The following HACL1 variants were observed in gnomAD, a reference collection of about 807,000 sequenced individuals.
HACL1 encodes the protein 2-hydroxyacyl-CoA lyase 1, also known as 1600020H07Rik.
A neutral mutation model predicts 74.2 loss-of-function variants in HACL1; 64 were observed. The observed-to-expected ratio is 0.86, with a 90% CI of 0.70 to 1.06. HACL1 has a LOEUF of 1.06. Among genes scored for constraint, HACL1 ranks in the 50% least tolerant of loss-of-function variants. The pLI is 0.00. For missense variants in HACL1, 728 were observed against 719.7 expected, an observed-to-expected ratio of 1.01 and a Z score of -0.13; for synonymous variants, 230 against 238.8, an observed-to-expected ratio of 0.96 and a Z score of 0.34.
At chr3:15,571,541 C>A in intron 12 of HACL1, 127 bp downstream of exon 12, 1 of 697,122 alleles carries the variant, frequency 1.4e-6, no homozygotes, top group East Asian at 2.6e-5. Flanking sequence ...TTCCATGAGA[C>A]CTGGGGTTTT....
Position 15,582,871 on chromosome 3 carries a change from T to C in HACL1, c.667+6A>G. The C allele has an allele frequency of 6.9e-7, 1 of 1,451,504 alleles. No homozygotes were observed. The highest frequency in any genetic ancestry group is 9.7e-7 in the Non-Finnish European group (1 of 1,033,366). 89.9% of individuals were successfully genotyped at this position (1,451,504 alleles called of 1,614,324 possible). A position where few individuals can be genotyped will look rare whatever the true frequency, so the allele number is the denominator to read the frequency against. On this transcript the variant is annotated splice_donor_region_variant and intron_variant, in intron 8 of 16. Transcript: ENST00000321169. ...CTAGCAAGATTTAGAGTTCTATTCA[T>C]GCTACCTTTCCCGATGATAAGAAGG...
At chr3:15,591,992 A>G (rs1376739502) in intron 3 of HACL1, among the ~76,000 whole-genome samples, 6 of 149,022 alleles carry the variant, frequency 4.0e-5, no homozygotes, top group Non-Finnish European at 4.5e-5. Flanking sequence ...CTATATACCT[A>G]TAGTATATAC....
rs963243581 is a variant in HACL1, at chr3:15,577,708, G to C, written c.803+2202C>G. On this transcript the variant is annotated intron_variant, in intron 9 of 16. Coordinates refer to ENST00000321169, the MANE Select transcript of HACL1 (RefSeq NM_012260.4). ...TAATACTTGGGAGGCTGAGGTGGGA[G>C]GATTGCTTTAGCCCAGCAGGCAGAG... 2.6e-5 allele frequency among the ~76,000 whole-genome samples: 4 copies of C among 151,966 alleles called. No individual in the cohort carries two copies. In the East Asian group the frequency reaches 5.8e-4, roughly 22 times the overall value.
At chr3:15,590,630 CA>C (rs2125275506) in intron 4 of HACL1, among the ~76,000 whole-genome samples, 1 of 152,254 alleles carries the variant, frequency 6.6e-6, no homozygotes, top group East Asian at 1.9e-4. Context: ...ATAAGAATTT[CA>C]AATATCTTCC....
chr3:15,590,776 A>G (rs2063877134), intron 4 of HACL1, among the ~76,000 whole-genome samples: 1 of 152,196 alleles, frequency 6.6e-6, no homozygotes, highest in Non-Finnish European at 1.5e-5. Context: ...TAGGAACTCT[A>G]AAATGTTAAA....
At position 15,591,611 on chromosome 3, in the gene HACL1, G is replaced by A. The variant is rs1186834082; in HGVS notation, c.297C>T (p.Asn99=). 10 of 1,594,380 alleles carry A rather than the reference G, an allele frequency of 6.3e-6. No homozygotes were observed. The highest frequency in any genetic ancestry group is 8.6e-6 in the Non-Finnish European group (10 of 1,162,484). Residue 99 remains asparagine, a synonymous_variant, in exon 4 of 17, where the codon AAC becomes AAT. Transcript: ENST00000321169. ...IHALGGMANA[N]MNCWPLLVIG... ...AATAATGTCATTACCAGCAGTTCAT[G>A]TTTGCATTTGCCATACCGCCCAAGG...
intron 16 of HACL1, among the ~76,000 whole-genome samples, chr3:15,563,151 C>T (rs191854941): frequency 1.4e-4 from 22 of 152,300 alleles, no homozygotes; most frequent in Admixed American, 3.9e-4. Flanking sequence ...TCGTGAGGAC[C>T]GAGCCTGGTT....
rs1044968037 is a variant in HACL1, at chr3:15,588,599, G to GA, written c.381+940dup. On this transcript the variant is annotated intron_variant, in intron 5 of 16. Coordinates refer to ENST00000321169, the MANE Select transcript of HACL1 (RefSeq NM_012260.4). ...CACAGCCATATCCTGTCTCAAAAAAGAAAAAAAAAAGAAAGAAAGAAAGAC... is the reference window on the plus strand; with the variant it reads ...CACAGCCATATCCTGTCTCAAAAAAGAAAAAAAAAAAGAAAGAAAGAAAGAC... Among the ~76,000 whole-genome samples, 306 of 144,086 alleles carry GA rather than the reference G, an allele frequency of 2.1e-3. 3 individuals carry two copies. The highest frequency in any genetic ancestry group is 0.019 in the Admixed American group (274 of 14,498). The allele number at this position is 144,086 out of a possible 152,430, so 94.5% of individuals were successfully genotyped here.
intron 14 of HACL1, 98 bp downstream of exon 14, chr3:15,567,746 G>T: frequency 9.0e-7 from 1 of 1,107,464 alleles, no homozygotes; most frequent in Non-Finnish European, 1.4e-6. Context: ...CAGGGCACCT[G>T]GTGAACGCTT....
At chr3:15,570,634 G>GCGCA (rs1553642488) in intron 12 of HACL1, among the ~76,000 whole-genome samples, 5 of 148,038 alleles carry the variant, frequency 3.4e-5, no homozygotes, top group Non-Finnish European at 7.5e-5. Flanking sequence ...ACACACACAT[G>GCGCA]CACACACACA....
chr3:15,583,165 C>T (rs1473112864), intron 7 of HACL1, among the ~76,000 whole-genome samples, 176 bp from the exon 8 acceptor site: 6 of 152,210 alleles, frequency 3.9e-5, no homozygotes, highest in African/African-American at 7.2e-5. Flanking sequence ...CACACATAAA[C>T]ATGCATTTAT....
intron 14 of HACL1, among the ~76,000 whole-genome samples, chr3:15,566,820 T>A (rs2063442355): frequency 6.8e-6 from 1 of 147,204 alleles, no homozygotes; most frequent in South Asian, 2.2e-4. Context: ...AGTGACTTTT[T>A]TTTTTTTTTT....
Position 15,585,339 on chromosome 3 carries a change from C to T in HACL1, c.463G>A (p.Val155Met), listed in dbSNP as rs774606160. 9 of 1,554,266 alleles carry T rather than the reference C, an allele frequency of 5.8e-6. No homozygotes were observed. The highest frequency in any genetic ancestry group is 4.5e-5 in the East Asian group (2 of 44,542). ...EAIPFVIEKA[V>M]RSSIYGRPGA... ...GGACGACCATAGATACTGCTTCTCA[C>T]TGCCTACGTTCATTACAAGTAGAAG... Residue 155 changes from valine to methionine, a missense_variant, in exon 7 of 17, where the codon GTG (valine) becomes ATG (methionine). Physicochemically the swap from Val to Met is conservative, Grantham distance 21 (BLOSUM62 1). Coordinates refer to ENST00000321169, the MANE Select transcript of HACL1 (RefSeq NM_012260.4).
chr3:15,571,094 T>G (rs555762143), intron 12 of HACL1, among the ~76,000 whole-genome samples: 2 of 151,932 alleles, frequency 1.3e-5, no homozygotes, highest in Non-Finnish European at 2.9e-5. Flanking sequence ...TCCTCCAACC[T>G]CAGCCTCCTG....
chr3:15,563,273 G>A lies in HACL1; in HGVS notation c.1704+85C>T, dbSNP rs571766045. 6.4e-4 allele frequency: 546 copies of A among 850,382 alleles called. 2 individuals carry two copies. Among genetic ancestry groups the A allele is most frequent in the Non-Finnish European group, 7.8e-4 (402 of 518,634 alleles). 52.7% of individuals were successfully genotyped at this position (850,382 alleles called of 1,614,324 possible). ...TAGAAAGACCTCTGTGGATGATAGA[G>A]GGTGTTCTGTTTGGTAGATACTTTT... On this transcript the variant is annotated intron_variant, in intron 16 of 16. Coordinates refer to ENST00000321169, the MANE Select transcript of HACL1 (RefSeq NM_012260.4).
At position 15,563,518 on chromosome 3, in the gene HACL1, T is replaced by C. The variant is rs1208035347; in HGVS notation, c.1544A>G (p.Asn515Ser). The change falls in exon 16 of 17, where the codon AAT becomes AGT. Residue 515 changes from asparagine (N) to serine (S), a missense_variant. Asn to Ser is a conservative substitution (Grantham distance 46). Transcript: ENST00000321169. Reference protein sequence around the residue: ...AVVPPMCLLPNSHYEQVMTAF... With the variant: ...AVVPPMCLLPSSHYEQVMTAF... ...AGTCATGACTTGCTCATAATGTGAA[T>C]TTGGCAGCAAACACATTGGAGGGAC... 6.2e-7 allele frequency: 1 copy of C among 1,611,938 alleles called. No homozygotes were observed.
chr3:15,581,875 A>C (rs2063720622), intron 8 of HACL1, among the ~76,000 whole-genome samples: 1 of 152,224 alleles, frequency 6.6e-6, no homozygotes, highest in Non-Finnish European at 1.5e-5. Context: ...TGTTTGTTAA[A>C]AGAAGAATGA....
At chr3:15,601,259 C>T in intron 1 of HACL1, 65 bp from the exon 2 acceptor site, 1 of 1,541,164 alleles carries the variant, frequency 6.5e-7, no homozygotes, top group Non-Finnish European at 9.0e-7. Context: ...TCCTTCCCTC[C>T]CTCCCGGGCG....
chr3:15,597,828 G>A (rs902799591), intron 2 of HACL1, among the ~76,000 whole-genome samples: 1 of 151,978 alleles, frequency 6.6e-6, no homozygotes, highest in Non-Finnish European at 1.5e-5. Context: ...ATGCAGGCAT[G>A]TAAATACCTG....
Sources: allele counts gnomAD v4.1 joint callset (sites outside exome capture counted in the v4.1 genomes callset), GRCh38; gene constraint gnomAD v4.1.1; transcripts MANE v1.5; gene names NCBI Gene and HGNC (gene_info 2026-07-23, HGNC 2026-07-21).